The following ZFHX3 variants were observed in gnomAD, a reference collection of about 807,000 sequenced individuals.
ZFHX3 encodes the protein zinc finger homeobox 3.
In ZFHX3, 42 loss-of-function variants were observed where a neutral mutation model predicts 279.1. The ratio of observed to expected loss-of-function variants is 0.15; its 90% confidence interval spans 0.12 to 0.19. The LOEUF is 0.19. Ranked by LOEUF, ZFHX3 falls within the 10% of genes least tolerant of loss-of-function variation. The probability of loss-of-function intolerance (pLI) is 1.00; values close to 1 mark genes in which losing one functional copy is unlikely to be tolerated. For missense variants in ZFHX3, 4,981 were observed against 4,754.0 expected (o/e 1.05, Z -1.40); for synonymous variants, 2,293 against 1,957.8 (o/e 1.17, Z -4.52).
In ZFHX3 at chr16:73,663,594, G is replaced by T. The variant is rs937121233; in HGVS notation, c.-1547+16586C>A. Among the ~76,000 whole-genome samples, 18 of 152,334 alleles carry T rather than the reference G, an allele frequency of 1.2e-4. 1 individual carries two copies. Among genetic ancestry groups the T allele is most frequent in the Admixed American group, 1.2e-3 (18 of 15,298 alleles). ...TCCAAGATAGCAAGGATAACAGAAA[G>T]CAACACGGGTTTGAAAGCCCTTGGC... is the stretch of plus-strand genomic sequence containing the variant. On this transcript the variant is annotated intron_variant, in intron 2 of 17. Coordinates refer to the ZFHX3 transcript ENST00000641206.
chr16:73,351,693 C>A (rs1178766631), intron 3 of ZFHX3, among the ~76,000 whole-genome samples: 1 of 152,184 alleles, frequency 6.6e-6, no homozygotes, highest in Non-Finnish European at 1.5e-5. Context: ...CAAATGGAAT[C>A]CTTTTAAAAC....
At chr16:73,143,639 A>C (rs1013329004) in intron 6 of ZFHX3, 1 of 689,134 alleles carries the variant, frequency 1.5e-6, no homozygotes, top group African/African-American at 1.9e-5. Context: ...ATTTCCTTTG[A>C]ACTGTTTGGT....
At chr16:73,722,676 T>C (rs1234384552) in intron 1 of ZFHX3, among the ~76,000 whole-genome samples, 1 of 152,130 alleles carries the variant, frequency 6.6e-6, no homozygotes, top group Non-Finnish European at 1.5e-5. Context: ...TGAGTGGGGA[T>C]ATAAACCATG....
At chr16:73,587,776 T>C (rs1010505476) in intron 2 of ZFHX3, among the ~76,000 whole-genome samples, 13 of 152,238 alleles carry the variant, frequency 8.5e-5, no homozygotes, top group African/African-American at 3.1e-4. Context: ...AAATATATCA[T>C]GTAATAGTCC....
intron 2 of ZFHX3, among the ~76,000 whole-genome samples, chr16:73,532,236 G>C (rs2019818417): frequency 6.6e-6 from 1 of 152,082 alleles, no homozygotes; most frequent in Non-Finnish European, 1.5e-5. Flanking sequence ...TGAATCATGG[G>C]GGTGGTTCTC....
intron 1 of ZFHX3, among the ~76,000 whole-genome samples, chr16:73,696,054 A>G (rs922345852): frequency 1.3e-5 from 2 of 152,134 alleles, no homozygotes; most frequent in Non-Finnish European, 2.9e-5. Flanking sequence ...CCCACTGGGG[A>G]CTCTGAGAGA....
intron 5 of ZFHX3, among the ~76,000 whole-genome samples, chr16:73,156,800 G>A (rs1432052651): frequency 4.0e-5 from 6 of 151,730 alleles, no homozygotes; most frequent in Non-Finnish European, 5.9e-5. Flanking sequence ...TGCAACCTTC[G>A]CTTCCTGGGT....
At chr16:73,692,190 T>C (rs2053155695) in intron 1 of ZFHX3, among the ~76,000 whole-genome samples, 1 of 152,182 alleles carries the variant, frequency 6.6e-6, no homozygotes, top group African/African-American at 2.4e-5. Context: ...CTGGACTTAG[T>C]GACACTTCTA....
chr16:72,882,978 GT>G (rs555215040), intron 4 of ZFHX3, among the ~76,000 whole-genome samples: 10,743 of 28,936 alleles, frequency 0.37, 751 homozygotes, highest in African/African-American at 0.39. Flanking sequence ...CCACTCTGGG[GT>G]GTGTGTGTGT....
chr16:72,888,572 A>C (rs1346169955), intron 4 of ZFHX3, among the ~76,000 whole-genome samples: 1 of 152,216 alleles, frequency 6.6e-6, no homozygotes. Context: ...CAGGCTGAGA[A>C]CCACCAGCCA....
At chr16:73,757,250 C>A (rs2053819506) in intron 1 of ZFHX3, among the ~76,000 whole-genome samples, 1 of 152,156 alleles carries the variant, frequency 6.6e-6, no homozygotes, top group Non-Finnish European at 1.5e-5. Context: ...TTCACACTCT[C>A]ATCAGGAATT....
intron 3 of ZFHX3, among the ~76,000 whole-genome samples, chr16:73,397,846 C>T (rs923636378): frequency 3.3e-5 from 5 of 151,938 alleles, no homozygotes; most frequent in Admixed American, 6.6e-5. Flanking sequence ...GTTTTGTTTT[C>T]GCTTTTGTTT....
intron 6 of ZFHX3, among the ~76,000 whole-genome samples, chr16:73,132,349 C>A (rs771448839): frequency 6.6e-6 from 1 of 152,140 alleles, no homozygotes; most frequent in African/African-American, 2.4e-5. Context: ...AGGACCCAAA[C>A]TTGTGCCTCC....
intron 2 of ZFHX3, among the ~76,000 whole-genome samples, chr16:73,617,583 T>C (rs1187629521): frequency 6.6e-6 from 1 of 152,204 alleles, no homozygotes; most frequent in East Asian, 1.9e-4. Context: ...GAGATGTACA[T>C]GCCTAAAAAT....
At chr16:73,174,863 C>CAAAAAA (rs34447211) in intron 5 of ZFHX3, among the ~76,000 whole-genome samples, 3 of 86,834 alleles carry the variant, frequency 3.5e-5, no homozygotes, top group African/African-American at 1.2e-4. Context: ...ACTAAAAATA[C>CAAAAAA]AAAAAAAAAA....
At chr16:73,288,106 C>T (rs969300309) in intron 4 of ZFHX3, among the ~76,000 whole-genome samples, 7 of 150,182 alleles carry the variant, frequency 4.7e-5, no homozygotes, top group Non-Finnish European at 8.9e-5. Context: ...TCCATCTCAG[C>T]AGGGAGCCAA....
chr16:73,105,288 C>T (rs773035149), intron 7 of ZFHX3, among the ~76,000 whole-genome samples: 2 of 148,888 alleles, frequency 1.3e-5, no homozygotes, highest in African/African-American at 2.5e-5. Context: ...CACAGACACA[C>T]ACATACATAT....
chr16:73,001,661 TA>T (rs34986346), intron 1 of ZFHX3, among the ~76,000 whole-genome samples: 1 of 151,542 alleles, frequency 6.6e-6, no homozygotes, highest in Non-Finnish European at 1.5e-5. Flanking sequence ...AAATTTTTTT[TA>T]AAAAAAGGTT....
intron 1 of ZFHX3, among the ~76,000 whole-genome samples, chr16:73,003,977 C>T (rs1024634329): frequency 2.9e-5 from 4 of 138,970 alleles, no homozygotes; most frequent in African/African-American, 1.1e-4. Context: ...TTCAAAAAAA[C>T]AAAACAAAAC....
Sources: gnomAD v4.1 joint callset for allele counts (sites outside exome capture counted in the v4.1 genomes callset) on GRCh38, gnomAD v4.1.1 for gene constraint, MANE v1.5 for transcripts, NCBI Gene and HGNC (gene_info 2026-07-23, HGNC 2026-07-21) for gene names.